CNTNAP4: variants seen among roughly 807,000 people sequenced by gnomAD.
The protein encoded by CNTNAP4 is contactin associated protein family member 4.
CNTNAP4 carries 98 observed loss-of-function variants against 148.4 expected under a neutral mutation model. The ratio of observed to expected loss-of-function variants is 0.66; its 90% CI spans 0.56 to 0.78. CNTNAP4 has a LOEUF of 0.78. Ranked by LOEUF, CNTNAP4 falls within the 30% of genes least tolerant of loss-of-function variation. CNTNAP4 has a pLI of 0.00. For missense variants in CNTNAP4, 1,935 were observed against 1,565.6 expected, an observed-to-expected ratio of 1.24 and a Z score of -3.98; for synonymous variants, 730 against 565.1, an observed-to-expected ratio of 1.29 and a Z score of -4.14.
At chr16:76,393,390 C>A (rs1228820965) in intron 3 of CNTNAP4, among the ~76,000 whole-genome samples, 1 of 152,178 alleles carries the variant, frequency 6.6e-6, no homozygotes, top group Non-Finnish European at 1.5e-5. Flanking sequence ...ACCCCAGTGA[C>A]AATGATAGCA....
chr16:76,496,107 G>GTGTGTGTA (rs1555576715), intron 14 of CNTNAP4, among the ~76,000 whole-genome samples: 13 of 151,202 alleles, frequency 8.6e-5, no homozygotes, highest in Admixed American at 8.6e-4. Flanking sequence ...GTGTGTGTGT[G>GTGTGTGTA]CGTGTATTTC....
intron 3 of CNTNAP4, among the ~76,000 whole-genome samples, chr16:76,405,289 G>A (rs1420320206): frequency 1.3e-5 from 2 of 152,066 alleles, no homozygotes; most frequent in African/African-American, 4.8e-5. Flanking sequence ...TTTCCCAGTA[G>A]CTATTTAGAT....
chr16:76,343,033 A>C (rs1964610083), intron 2 of CNTNAP4, among the ~76,000 whole-genome samples: 1 of 152,018 alleles, frequency 6.6e-6, no homozygotes, highest in South Asian at 2.1e-4. Flanking sequence ...GGAAAATGCA[A>C]GGGTGTGGAT....
At chr16:76,493,024 A>G (rs1011432861) in intron 13 of CNTNAP4, among the ~76,000 whole-genome samples, 8 of 147,980 alleles carry the variant, frequency 5.4e-5, no homozygotes, top group African/African-American at 2.0e-4. Flanking sequence ...CCAGAAAGGC[A>G]TGGAAGAGGG....
chr16:76,519,685 G>T (rs1308173612), intron 15 of CNTNAP4, among the ~76,000 whole-genome samples: 1 of 152,172 alleles, frequency 6.6e-6, no homozygotes. Flanking sequence ...CAAAGGTCTA[G>T]TACAGGAATA....
At chr16:76,520,093 G>A (rs565519978) in intron 15 of CNTNAP4, among the ~76,000 whole-genome samples, 17 of 152,236 alleles carry the variant, frequency 1.1e-4, no homozygotes, top group African/African-American at 4.1e-4. Flanking sequence ...ATCCATGTAG[G>A]TAATGTGTGT....
chr16:76,541,176 G>A (rs1241047519), intron 21 of CNTNAP4, among the ~76,000 whole-genome samples: 1 of 152,162 alleles, frequency 6.6e-6, no homozygotes, highest in Non-Finnish European at 1.5e-5. Context: ...TTTAAAAAAT[G>A]GAAGAAGAAT....
At chr16:76,298,650 T>C (rs1959591941) in intron 1 of CNTNAP4, among the ~76,000 whole-genome samples, 1 of 151,972 alleles carries the variant, frequency 6.6e-6, no homozygotes, top group Non-Finnish European at 1.5e-5. Flanking sequence ...AACACACCCT[T>C]AAAGTAATGG....
intron 6 of CNTNAP4, 72 bp from the exon 7 acceptor site, chr16:76,449,643 T>C: frequency 1.6e-6 from 2 of 1,264,190 alleles, no homozygotes; most frequent in Non-Finnish European, 2.2e-6. Context: ...ATAGCTATAC[T>C]TGCTAATCAT....
In CNTNAP4 at chr16:76,342,983, C is replaced by T. The variant is rs148872442; in HGVS notation, c.197-12335C>T. Among the ~76,000 whole-genome samples the T allele has an allele frequency of 5.4e-3, 816 of 152,212 alleles. 6 individuals are homozygous for T. The highest frequency in any genetic ancestry group is 0.019 in the African/African-American group (770 of 41,524). On this transcript the variant is annotated intron_variant, in intron 2 of 23. Transcript: ENST00000611870. ...CATTGAGCTGCTTCTGCTGGGATGC[C>T]GTGTTTCAGCTGCCACATTCTCTGT...
At chr16:76,375,856 G>A (rs1432924553) in intron 3 of CNTNAP4, among the ~76,000 whole-genome samples, 1 of 152,212 alleles carries the variant, frequency 6.6e-6, no homozygotes, top group Non-Finnish European at 1.5e-5. Flanking sequence ...AGAAAGATGA[G>A]ATGGAAGGCG....
intron 3 of CNTNAP4, among the ~76,000 whole-genome samples, chr16:76,386,625 C>G (rs931240987): frequency 6.6e-6 from 1 of 151,878 alleles, no homozygotes; most frequent in Non-Finnish European, 1.5e-5. Context: ...TCAGGAGATA[C>G]TTAGGCACAA....
chr16:76,547,648 A>C (rs2084792674), intron 21 of CNTNAP4, among the ~76,000 whole-genome samples: 1 of 152,204 alleles, frequency 6.6e-6, no homozygotes, highest in African/African-American at 2.4e-5. Context: ...TTTATGTTAT[A>C]GGAGTTTTCT....
At chr16:76,282,371 A>G (rs9924182) in intron 1 of CNTNAP4, among the ~76,000 whole-genome samples, 10,909 of 151,996 alleles carry the variant, frequency 0.072, 1,355 homozygotes, top group African/African-American at 0.25. Context: ...TCAATGAAGT[A>G]TATAAGTAAT....
chr16:76,369,943 A>T (rs1462990588), intron 3 of CNTNAP4, among the ~76,000 whole-genome samples: 2 of 152,094 alleles, frequency 1.3e-5, no homozygotes, highest in East Asian at 3.9e-4. Flanking sequence ...TCTGCCTACA[A>T]TGGTGAGGGC....
intron 17 of CNTNAP4, among the ~76,000 whole-genome samples, chr16:76,533,111 A>AT (rs1316030906): frequency 2.0e-5 from 3 of 151,446 alleles, no homozygotes; most frequent in African/African-American, 4.8e-5. Flanking sequence ...AAATGAATCG[A>AT]TAAAAAAAAA....
At chr16:76,554,673 A>T (rs1035417834) in intron 23 of CNTNAP4, among the ~76,000 whole-genome samples, 8 of 152,066 alleles carry the variant, frequency 5.3e-5, no homozygotes, top group African/African-American at 1.4e-4. Context: ...TCTGAATATG[A>T]TACGGATATA....
intron 13 of CNTNAP4, among the ~76,000 whole-genome samples, chr16:76,492,908 G>A (rs1178745133): frequency 2.7e-5 from 4 of 150,178 alleles, no homozygotes; most frequent in Middle Eastern, 7.2e-3. Context: ...GACACAGAAT[G>A]TGAAGGAATC....
At chr16:76,336,077 A>G (rs368211109) in intron 2 of CNTNAP4, among the ~76,000 whole-genome samples, 7 of 152,282 alleles carry the variant, frequency 4.6e-5, no homozygotes, top group African/African-American at 1.7e-4. Context: ...TGAAGGTGGC[A>G]TAAATATAAT....
Sources: allele counts gnomAD v4.1 joint callset (sites outside exome capture counted in the v4.1 genomes callset), GRCh38; gene constraint gnomAD v4.1.1; transcripts MANE v1.5; gene names NCBI Gene and HGNC (gene_info 2026-07-23, HGNC 2026-07-21).